SLC12A8: variants seen among roughly 807,000 people sequenced by gnomAD.
SLC12A8 encodes the protein cation-chloride cotransporter 9.
SLC12A8 carries 69 observed loss-of-function variants against 75.6 expected under a neutral mutation model. That is an observed-to-expected ratio of 0.91 (90% CI 0.75 to 1.11). The LOEUF (loss-of-function observed/expected upper bound fraction) is 1.11. Among genes scored for constraint, SLC12A8 ranks in the 50% most tolerant of loss-of-function variants. SLC12A8 has a pLI of 0.00. For synonymous variants in SLC12A8, 365 were observed against 372.8 expected (o/e 0.98, Z 0.24); for missense variants, 877 against 896.7 (o/e 0.98, Z 0.28).
intron 5 of SLC12A8, among the ~76,000 whole-genome samples, chr3:125,174,692 G>T (rs1481525575): frequency 6.6e-6 from 1 of 152,184 alleles, no homozygotes; most frequent in Non-Finnish European, 1.5e-5. Context: ...AATCTTAAGT[G>T]CATATTACTA....
chr3:125,127,922 A>T (rs1423892179), intron 6 of SLC12A8, among the ~76,000 whole-genome samples: 1 of 152,130 alleles, frequency 6.6e-6, no homozygotes, highest in Non-Finnish European at 1.5e-5. Context: ...TTGTCGCCAG[A>T]TTGGAGTGCA....
intron 10 of SLC12A8, 51 bp from the exon 11 acceptor site, chr3:125,092,249 G>A: frequency 1.5e-6 from 2 of 1,345,912 alleles, no homozygotes; most frequent in Non-Finnish European, 2.1e-6. Context: ...ACTCTCTACT[G>A]TTTTTTAGGA....
At chr3:125,142,860 G>T (rs946728996) in intron 5 of SLC12A8, among the ~76,000 whole-genome samples, 3 of 152,184 alleles carry the variant, frequency 2.0e-5, no homozygotes, top group Non-Finnish European at 4.4e-5. Flanking sequence ...ATACACAGTT[G>T]GTTTCCAATG....
intron 7 of SLC12A8, chr3:125,119,801 C>G (rs72963885): frequency 0.02 from 9,078 of 455,060 alleles, 667 homozygotes; most frequent in African/African-American, 0.16. Context: ...TAGAATAACA[C>G]AGGCCCTTTT....
At chr3:125,098,542 A>G (rs1224579744) in intron 10 of SLC12A8, among the ~76,000 whole-genome samples, 2 of 143,422 alleles carry the variant, frequency 1.4e-5, no homozygotes, top group Non-Finnish European at 3.0e-5. Flanking sequence ...TGAAGAGGTC[A>G]GTGAATCTTC....
chr3:125,134,778 GT>G (rs1933447702), intron 6 of SLC12A8, among the ~76,000 whole-genome samples: 1 of 152,046 alleles, frequency 6.6e-6, no homozygotes, highest in Non-Finnish European at 1.5e-5. Flanking sequence ...TTCTTTTTCT[GT>G]CCCTATCCCA....
At chr3:125,182,693 G>C (rs1000124624) in intron 4 of SLC12A8, among the ~76,000 whole-genome samples, 1 of 151,912 alleles carries the variant, frequency 6.6e-6, no homozygotes, top group Non-Finnish European at 1.5e-5. Flanking sequence ...TTTTTAGTAG[G>C]GACAGGGTTT....
intron 5 of SLC12A8, among the ~76,000 whole-genome samples, chr3:125,155,621 A>ATGAGCCGGGTGTG (rs578023995): frequency 2.5e-5 from 3 of 120,702 alleles, no homozygotes; most frequent in African/African-American, 3.0e-5. Flanking sequence ...AATACAAAAA[A>ATGAGCCGGGTGTG]GTAGCTGTAG....
At chr3:125,108,884 G>A (rs960023601) in intron 9 of SLC12A8, among the ~76,000 whole-genome samples, 3 of 152,120 alleles carry the variant, frequency 2.0e-5, no homozygotes, top group African/African-American at 7.2e-5. Context: ...CTGAGTATCC[G>A]CAAATACTCA....
chr3:125,181,621 A>G (rs141110413), intron 4 of SLC12A8, among the ~76,000 whole-genome samples: 1 of 147,384 alleles, frequency 6.8e-6, no homozygotes, highest in Admixed American at 6.9e-5. Context: ...AAAAAAAAAA[A>G]AAAAAAGAAA....
intron 5 of SLC12A8, among the ~76,000 whole-genome samples, chr3:125,165,598 C>T (rs1934268377): frequency 6.6e-6 from 1 of 152,182 alleles, no homozygotes; most frequent in Non-Finnish European, 1.5e-5. Flanking sequence ...CAAGGGGGAC[C>T]CAGGCAGATG....
chr3:125,168,244 G>A (rs553661892), intron 5 of SLC12A8, among the ~76,000 whole-genome samples: 2 of 152,312 alleles, frequency 1.3e-5, no homozygotes, highest in African/African-American at 4.8e-5. Context: ...AGTTTTCCAG[G>A]CTTGGGGAAA....
chr3:125,104,314 G>A (rs1404316393), intron 10 of SLC12A8, among the ~76,000 whole-genome samples: 1 of 151,818 alleles, frequency 6.6e-6, no homozygotes, highest in African/African-American at 2.4e-5. Flanking sequence ...TCACTGTGTT[G>A]CCCAGGCTGA....
chr3:125,195,417 A>G (rs550637442), intron 2 of SLC12A8, among the ~76,000 whole-genome samples: 10 of 152,184 alleles, frequency 6.6e-5, no homozygotes, highest in East Asian at 5.8e-4. Flanking sequence ...CAAGGATCCA[A>G]TTGGAGCCGT....
chr3:125,119,904 G>A (rs1250172294), intron 7 of SLC12A8: 2 of 456,706 alleles, frequency 4.4e-6, no homozygotes, highest in Non-Finnish European at 8.8e-6. Flanking sequence ...GTGGTACAGA[G>A]AGAAACAATA....
At chr3:125,121,983 G>A (rs1388214409) in intron 6 of SLC12A8, among the ~76,000 whole-genome samples, 1 of 152,176 alleles carries the variant, frequency 6.6e-6, no homozygotes, top group Non-Finnish European at 1.5e-5. Context: ...GTTTATAAAC[G>A]CTTGTTTAGA....
intron 2 of SLC12A8, among the ~76,000 whole-genome samples, chr3:125,200,885 C>T (rs1056787606): frequency 2.6e-5 from 4 of 152,150 alleles, no homozygotes; most frequent in Non-Finnish European, 4.4e-5. Context: ...CTATTTTTGG[C>T]TTAGTGAGGG....
At chr3:125,096,782 G>C (rs1171935545) in intron 10 of SLC12A8, among the ~76,000 whole-genome samples, 3 of 152,072 alleles carry the variant, frequency 2.0e-5, no homozygotes, top group African/African-American at 7.2e-5. Context: ...AAATAATTCT[G>C]TTATGATTGC....
At chr3:125,166,577 C>G (rs1222617419) in intron 5 of SLC12A8, among the ~76,000 whole-genome samples, 1 of 152,200 alleles carries the variant, frequency 6.6e-6, no homozygotes, top group African/African-American at 2.4e-5. Flanking sequence ...ACAATCTCCT[C>G]TAAAAAGTCT....
Sources: allele counts gnomAD v4.1 joint callset (sites outside exome capture counted in the v4.1 genomes callset), GRCh38; gene constraint gnomAD v4.1.1; transcripts MANE v1.5; gene names NCBI Gene and HGNC (gene_info 2026-07-23, HGNC 2026-07-21).